GNAQ: variants seen among roughly 807,000 people sequenced by gnomAD.
GNAQ encodes G protein subunit alpha q.
In GNAQ, 8 loss-of-function variants were observed where a neutral mutation model predicts 43.9. The observed-to-expected ratio is 0.18, with a 90% confidence interval of 0.11 to 0.33. The LOEUF is 0.33. GNAQ is among the 10% of genes least tolerant of loss of function. The pLI, the probability that GNAQ is intolerant of heterozygous loss-of-function variation, is 1.00. For missense variants in GNAQ, 158 were observed against 450.8 expected (o/e 0.35, Z 5.88); for synonymous variants, 155 against 170.7 (o/e 0.91, Z 0.71).
At chr9:77,869,419 G>A (rs753082869) in intron 2 of GNAQ, among the ~76,000 whole-genome samples, 4 of 152,116 alleles carry the variant, frequency 2.6e-5, no homozygotes, top group South Asian at 2.1e-4. Flanking sequence ...GGGTGTATAG[G>A]AAAACAATCT....
At chr9:78,000,728 G>A (rs1169498490) in intron 1 of GNAQ, among the ~76,000 whole-genome samples, 4 of 152,108 alleles carry the variant, frequency 2.6e-5, no homozygotes, top group African/African-American at 9.7e-5. Context: ...GTAAACGCCT[G>A]CTCAGATTCA....
intron 5 of GNAQ, among the ~76,000 whole-genome samples, chr9:77,771,883 C>T (rs1394809069): frequency 2.0e-5 from 3 of 152,056 alleles, no homozygotes; most frequent in Non-Finnish European, 4.4e-5. Context: ...ACAGCAACCA[C>T]CCACCTGGAC....
chr9:77,852,328 G>A (rs1185511257), intron 2 of GNAQ, among the ~76,000 whole-genome samples: 1 of 152,178 alleles, frequency 6.6e-6, no homozygotes, highest in African/African-American at 2.4e-5. Context: ...CACTCACTTA[G>A]GACAGTCCCT....
At chr9:78,022,185 C>A (rs1392640228) in intron 1 of GNAQ, among the ~76,000 whole-genome samples, 4 of 152,162 alleles carry the variant, frequency 2.6e-5, no homozygotes, top group Non-Finnish European at 4.4e-5. Context: ...CCTGGCAATG[C>A]CTCCTAGTAG....
intron 1 of GNAQ, among the ~76,000 whole-genome samples, chr9:77,950,115 GT>G (rs1822957174): frequency 6.6e-6 from 1 of 152,070 alleles, no homozygotes. Flanking sequence ...ATACTATAAT[GT>G]TCTTACCGGG....
chr9:77,901,800 C>T (rs1828620468), intron 2 of GNAQ, among the ~76,000 whole-genome samples: 1 of 152,188 alleles, frequency 6.6e-6, no homozygotes, highest in Non-Finnish European at 1.5e-5. Flanking sequence ...TTATTTCTCA[C>T]AGTCCTGGAG....
intron 1 of GNAQ, among the ~76,000 whole-genome samples, chr9:77,977,520 C>T (rs142548642): frequency 7.1e-4 from 108 of 152,184 alleles, no homozygotes; most frequent in African/African-American, 2.5e-3. Flanking sequence ...ACAGCAAAGT[C>T]GAAATTTCCC....
intron 2 of GNAQ, among the ~76,000 whole-genome samples, chr9:77,842,501 T>C (rs747758323): frequency 5.9e-5 from 9 of 152,174 alleles, no homozygotes; most frequent in Non-Finnish European, 1.0e-4. Flanking sequence ...AACAACATTG[T>C]TTTAGAAAAA....
At chr9:77,917,876 A>C (rs1828937160) in intron 2 of GNAQ, among the ~76,000 whole-genome samples, 1 of 152,174 alleles carries the variant, frequency 6.6e-6, no homozygotes, top group Admixed American at 6.5e-5. Flanking sequence ...AGGACAACAG[A>C]TACACACTCG....
chr9:77,751,190 G>T (rs1825805464), intron 5 of GNAQ, among the ~76,000 whole-genome samples: 1 of 152,136 alleles, frequency 6.6e-6, no homozygotes, highest in Admixed American at 6.5e-5. Context: ...AATTAGTAAT[G>T]GCCTGCCTTT....
chr9:77,968,267 G>C (rs957465383), intron 1 of GNAQ, among the ~76,000 whole-genome samples: 1 of 152,070 alleles, frequency 6.6e-6, no homozygotes, highest in African/African-American at 2.4e-5. Context: ...AAATACCATG[G>C]ATGTTGTCTG....
chr9:77,753,282 C>T (rs893191447), intron 5 of GNAQ, among the ~76,000 whole-genome samples: 16 of 152,100 alleles, frequency 1.1e-4, no homozygotes, highest in South Asian at 4.1e-4. Context: ...CATGCGCGTG[C>T]GCACGCGCAC....
At chr9:77,771,740 G>C (rs1461837727) in intron 5 of GNAQ, among the ~76,000 whole-genome samples, 1 of 152,206 alleles carries the variant, frequency 6.6e-6, no homozygotes, top group Non-Finnish European at 1.5e-5. Context: ...GCATGAGGTT[G>C]CATGTCTGTG....
intron 2 of GNAQ, among the ~76,000 whole-genome samples, chr9:77,878,090 G>A (rs759221763): frequency 6.6e-6 from 1 of 152,114 alleles, no homozygotes; most frequent in African/African-American, 2.4e-5. Flanking sequence ...AGAGTTTTTA[G>A]TTGCATTATG....
chr9:77,759,315 T>C (rs1348461449), intron 5 of GNAQ, among the ~76,000 whole-genome samples: 1 of 152,208 alleles, frequency 6.6e-6, no homozygotes, highest in East Asian at 1.9e-4. Flanking sequence ...GTCTTTCATT[T>C]AAGAATTAGA....
rs550945389 is a variant in GNAQ, at chr9:77,732,468, C to T, written c.736-3801G>A. Among the ~76,000 whole-genome samples the T allele has an allele frequency of 2.6e-3, 388 of 151,856 alleles. 2 individuals are homozygous for T. Among genetic ancestry groups the T allele is most frequent in the Non-Finnish European group, 4.0e-3 (272 of 67,956 alleles). ...GCAACCTCTGCCTCCTGAGTTCAAGCGATTCTCCTGCCTCAGCCTCCCTAG... is the reference window on the plus strand; with the variant it reads ...GCAACCTCTGCCTCCTGAGTTCAAGTGATTCTCCTGCCTCAGCCTCCCTAG... On this transcript the variant is annotated intron_variant, in intron 5 of 6. Transcript: ENST00000286548.
chr9:77,780,952 ATT>A (rs35437600), intron 5 of GNAQ, among the ~76,000 whole-genome samples: 485 of 130,424 alleles, frequency 3.7e-3, no homozygotes, highest in African/African-American at 4.8e-3. Context: ...TATTAATTGG[ATT>A]TTTTTTTTTT....
At chr9:77,929,751 A>G (rs1829122639) in intron 1 of GNAQ, among the ~76,000 whole-genome samples, 1 of 152,048 alleles carries the variant, frequency 6.6e-6, no homozygotes, top group Non-Finnish European at 1.5e-5. Context: ...AATCAATTGA[A>G]CCCAAGAGGC....
At chr9:77,991,557 T>C (rs1823508115) in intron 1 of GNAQ, among the ~76,000 whole-genome samples, 1 of 152,136 alleles carries the variant, frequency 6.6e-6, no homozygotes, top group Non-Finnish European at 1.5e-5. Flanking sequence ...TTCCCCTCCC[T>C]CCTTCTTAAA....
Sources: allele counts gnomAD v4.1 joint callset (sites outside exome capture counted in the v4.1 genomes callset), GRCh38; gene constraint gnomAD v4.1.1; transcripts MANE v1.5; gene names NCBI Gene and HGNC (gene_info 2026-07-23, HGNC 2026-07-21).